Variants in NLRP4 observed in about 807,000 individuals in gnomAD.
The protein encoded by NLRP4 is NACHT, LRR and PYD domains-containing protein 4.
In NLRP4, 44 loss-of-function variants were observed where a neutral mutation model predicts 84.7. The observed-to-expected ratio is 0.52, with a 90% confidence interval of 0.41 to 0.67. The LOEUF (loss-of-function observed/expected upper bound fraction) is 0.67. Among genes scored for constraint, NLRP4 ranks in the 30% least tolerant of loss-of-function variants. The probability of loss-of-function intolerance (pLI) is 0.00; values close to 1 mark genes in which losing one functional copy is unlikely to be tolerated. For missense variants in NLRP4, 1,260 were observed against 1,219.4 expected (o/e 1.03, Z -0.50); for synonymous variants, 544 against 476.4 (o/e 1.14, Z -1.85).
rs762732657 is a variant in NLRP4 at position 55,858,143 on chromosome 19, C to G, written c.750C>G (p.Asp250Glu). The stretch of plus-strand genomic sequence containing the variant: ...AACCCGATTCGGATCTGTGTGGTGA[C>G]TTGATGGAGAAACGGCCGGTGCAGG... ...LNEPDSDLCG[D>E]LMEKRPVQVL... Residue 250 changes from aspartate to glutamate, a missense_variant, in exon 3 of 10, where the codon GAC (aspartate) becomes GAG (glutamate). By Grantham distance (45) the Asp-to-Glu change is conservative (BLOSUM62 2). Transcript: ENST00000301295. This position sits in a 1 kb window ranked among gnomAD's most constrained non-coding sequence, Gnocchi z 4.2. The G allele has an allele frequency of 2.5e-6, 4 of 1,614,126 alleles. No individual in the cohort carries two copies. Among genetic ancestry groups the G allele is most frequent in the Non-Finnish European group, 3.4e-6 (4 of 1,180,036 alleles).
At chr19:55,856,616 A>G (rs1240122483) in intron 2 of NLRP4, among the ~76,000 whole-genome samples, 3 of 150,436 alleles carry the variant, frequency 2.0e-5, no homozygotes, top group Non-Finnish European at 4.4e-5. Context: ...CCCGGGTTCA[A>G]GCGATTCTCC....
intron 1 of NLRP4, among the ~76,000 whole-genome samples, chr19:55,841,382 T>C (rs952292566): frequency 1.3e-5 from 2 of 152,192 alleles, no homozygotes; most frequent in African/African-American, 4.8e-5. Flanking sequence ...GATCATATGG[T>C]AGTTTTCTTT....
Position 55,870,872 on chromosome 19 carries a change from T to G in NLRP4, c.2400T>G (p.Ser800=), listed in dbSNP as rs1172416690. The change falls in exon 7 of 10, where the codon TCT becomes TCG. Residue 800 remains serine (S), a synonymous_variant. Coordinates refer to ENST00000301295, the MANE Select transcript of NLRP4 (RefSeq NM_134444.5). ...HLSEQCCEYI[S]EMLLRNKSVR... is the part of the protein sequence containing the mutation. Reference sequence around the variant, plus strand: ...GCGAGCAGTGCTGCGAATACATCTCTGAAATGCTTCTGCGTAACAAGAGCG... The same window carrying G: ...GCGAGCAGTGCTGCGAATACATCTCGGAAATGCTTCTGCGTAACAAGAGCG... 1 of 1,614,178 alleles carries G rather than the reference T, an allele frequency of 6.2e-7. No individual in the cohort carries two copies. Among genetic ancestry groups the G allele is most frequent in the Non-Finnish European group, 8.5e-7 (1 of 1,179,980 alleles).
At chr19:55,845,068 C>T (rs935941371) in intron 1 of NLRP4, among the ~76,000 whole-genome samples, 3 of 151,818 alleles carry the variant, frequency 2.0e-5, no homozygotes, top group African/African-American at 4.8e-5. Context: ...GGTACATGTG[C>T]ACAACGTGCA....
At position 55,859,190 on chromosome 19, in the gene NLRP4, G is replaced by A. The variant is rs369983335; in HGVS notation, c.1797G>A (p.Leu599=). 1.2e-6 allele frequency: 2 copies of A among 1,609,638 alleles called. No homozygotes were observed. Among genetic ancestry groups the A allele is most frequent in the Non-Finnish European group, 1.7e-6 (2 of 1,176,280 alleles). The change falls in exon 3 of 10, where the codon TTG becomes TTA. Residue 599 remains leucine, a synonymous_variant. Coordinates refer to ENST00000301295, the MANE Select transcript of NLRP4 (RefSeq NM_134444.5). Reference sequence around the variant, plus strand: ...ACTGCTTAAAATACTGCTCCAGCTTGAGGAAACTCTGTTTTTCCGTTCAAA... The same window carrying A: ...ACTGCTTAAAATACTGCTCCAGCTTAAGGAAACTCTGTTTTTCCGTTCAAA... ...SAYCLKYCSS[L]RKLCFSVQNV...
chr19:55,858,984 A>G lies in NLRP4; in HGVS notation c.1591A>G (p.Ile531Val), dbSNP rs762273170. ...ACTGTCCCAAGAGATAAAGCAGCAA[A>G]TTCACCAGTGCCTGAAGAGCTTAGG... ...FQLSQEIKQQ[I>V]HQCLKSLGER... The change falls in exon 3 of 10, where the codon ATT becomes GTT. Residue 531 changes from isoleucine (I) to valine (V), a missense_variant. By Grantham distance (29) the Ile-to-Val change is conservative. Around this residue, in one of 3 missense-constraint regions of NLRP4, gnomAD observed 712 missense variants for 669.2 expected, o/e 1.06. Coordinates refer to ENST00000301295, the MANE Select transcript of NLRP4 (RefSeq NM_134444.5). The surrounding 1 kb of genome is among the most constrained non-coding windows in gnomAD (Gnocchi z 4.2). 1.2e-6 allele frequency: 2 copies of G among 1,614,188 alleles called. No homozygotes were observed. Among genetic ancestry groups the G allele is most frequent in the South Asian group, 1.1e-5 (1 of 91,082 alleles).
Position 55,871,008 on chromosome 19 carries a change from T to C in NLRP4, c.2525+11T>C. ...CCTGGATTCACTGTGGTAGGCTTTT[T>C]GCTGTTTCTTTGAAGACCAAGCCGT... On this transcript the variant is annotated intron_variant, in intron 7 of 9. Transcript: ENST00000301295. The C allele has an allele frequency of 1.2e-6, 2 of 1,612,250 alleles. No individual in the cohort carries two copies. The highest frequency in any genetic ancestry group is 1.7e-6 in the Non-Finnish European group (2 of 1,178,554).
chr19:55,842,863 C>T (rs538284385), intron 1 of NLRP4, among the ~76,000 whole-genome samples: 20 of 152,022 alleles, frequency 1.3e-4, no homozygotes, highest in Non-Finnish European at 2.1e-4. Context: ...GGGTTCACGC[C>T]GTTCTCCTGC....
chr19:55,878,827 T>C lies in NLRP4; in HGVS notation c.2730T>C (p.Cys910=). 1.2e-6 allele frequency: 2 copies of C among 1,613,472 alleles called. No individual in the cohort carries two copies. Among genetic ancestry groups the C allele is most frequent in the South Asian group, 2.2e-5 (2 of 91,008 alleles). ...AATGTGGGTTAACGAGCACCTGCTG[T>C]AAGGATCTCGCGTCTGTTCTCACCT... ...LEECGLTSTC[C]KDLASVLTCS... is the part of the protein sequence containing the mutation. Residue 910 remains cysteine, a synonymous_variant, in exon 9 of 10, where the codon TGT becomes TGC. Transcript: ENST00000301295.
chr19:55,871,452 C>T (rs1312110571), intron 7 of NLRP4, among the ~76,000 whole-genome samples: 1 of 152,144 alleles, frequency 6.6e-6, no homozygotes, highest in East Asian at 1.9e-4. Flanking sequence ...CAAAGGGTAG[C>T]ATGAGATGAG....
chr19:55,867,968 C>T, intron 6 of NLRP4, 92 bp downstream of exon 6: 1 of 1,125,122 alleles, frequency 8.9e-7, no homozygotes, highest in Non-Finnish European at 1.3e-6. Flanking sequence ...TGATGGAGGC[C>T]ACATAGCGGA....
intron 7 of NLRP4, among the ~76,000 whole-genome samples, chr19:55,871,206 A>G (rs1384029261): frequency 5.9e-5 from 9 of 152,182 alleles, no homozygotes; most frequent in Admixed American, 1.3e-4. Flanking sequence ...ATATGTTGCA[A>G]AGAGTTCTCC....
chr19:55,865,423 C>A (rs1020336929), intron 5 of NLRP4, among the ~76,000 whole-genome samples: 2 of 152,256 alleles, frequency 1.3e-5, no homozygotes, highest in Non-Finnish European at 2.9e-5. Flanking sequence ...CTGTGATGAG[C>A]ATACAAGTGC....
intron 1 of NLRP4, among the ~76,000 whole-genome samples, 194 bp downstream of exon 1, chr19:55,837,128 C>T (rs1257102414): frequency 6.6e-6 from 1 of 152,066 alleles, no homozygotes; most frequent in Non-Finnish European, 1.5e-5. Context: ...TACATGTATA[C>T]GTATCATTAA....
chr19:55,837,739 A>G (rs1600214794), intron 1 of NLRP4, among the ~76,000 whole-genome samples: 1 of 152,262 alleles, frequency 6.6e-6, no homozygotes, highest in South Asian at 2.1e-4. Context: ...TGTCCTTATG[A>G]AAACGGCCAC....
intron 1 of NLRP4, among the ~76,000 whole-genome samples, chr19:55,851,309 C>A (rs867792858): frequency 1.8e-5 from 1 of 56,226 alleles, no homozygotes. Context: ...GGTGTAATGT[C>A]CGAGGCTGCG....
chr19:55,871,361 G>A (rs1985175450), intron 7 of NLRP4, among the ~76,000 whole-genome samples: 1 of 152,190 alleles, frequency 6.6e-6, no homozygotes, highest in Non-Finnish European at 1.5e-5. Context: ...ATTCCAGGTA[G>A]AAGGGTAAAA....
chr19:55,846,829 T>A (rs1050623209), intron 1 of NLRP4, among the ~76,000 whole-genome samples: 17 of 152,184 alleles, frequency 1.1e-4, no homozygotes, highest in African/African-American at 4.1e-4. Context: ...TTTAAGACTA[T>A]TGGCAAAAGC....
chr19:55,871,020 G>C, intron 7 of NLRP4, 23 bp downstream of exon 7: 1 of 1,610,256 alleles, frequency 6.2e-7, no homozygotes, highest in Non-Finnish European at 8.5e-7. Flanking sequence ...CTGTTTCTTT[G>C]AAGACCAAGC....
Sources: gnomAD v4.1 joint callset for allele counts (sites outside exome capture counted in the v4.1 genomes callset) on GRCh38, gnomAD v4.1.1 for gene constraint, gnomAD v4.1.1 regional missense constraint, Gnocchi (gnomAD v3.1) non-coding constraint, MANE v1.5 for transcripts, NCBI Gene and HGNC (gene_info 2026-07-23, HGNC 2026-07-21) for gene names.